DCDC1: variants seen among roughly 807,000 people sequenced by gnomAD.
DCDC1 encodes doublecortin domain containing 1, also known as doublecortin domain-containing protein 1.
A neutral mutation model predicts 178.3 loss-of-function variants in DCDC1; 200 were observed. The observed-to-expected ratio is 1.12, with a 90% CI of 1.00 to 1.26. The LOEUF (loss-of-function observed/expected upper bound fraction) is 1.26, where lower values mean the gene tolerates loss of function less well. Ranked by LOEUF, DCDC1 falls within the 50% of genes most tolerant of loss-of-function variation. DCDC1 has a pLI of 0.00. For missense variants in DCDC1, 1,983 were observed against 1,749.2 expected, an observed-to-expected ratio of 1.13 and a Z score of -2.38; for synonymous variants, 690 against 604.8, an observed-to-expected ratio of 1.14 and a Z score of -2.07.
At chr11:31,139,974 T>A (rs776056162) in intron 9 of DCDC1, among the ~76,000 whole-genome samples, 31 of 152,284 alleles carry the variant, frequency 2.0e-4, no homozygotes, top group South Asian at 4.1e-4. Context: ...TTCCAAAAGA[T>A]ACATTTTAAT....
intron 33 of DCDC1, among the ~76,000 whole-genome samples, chr11:30,899,886 C>G (rs988405569): frequency 6.6e-6 from 1 of 152,038 alleles, no homozygotes; most frequent in African/African-American, 2.4e-5. Flanking sequence ...TATGCAATAG[C>G]CATATTTCAT....
chr11:30,926,527 G>A (rs1590389953), intron 22 of DCDC1, among the ~76,000 whole-genome samples: 1 of 152,210 alleles, frequency 6.6e-6, no homozygotes, highest in East Asian at 1.9e-4. Flanking sequence ...AGATGGAATT[G>A]TGAGGAAAAA....
chr11:31,312,644 A>C (rs1162457797), intron 3 of DCDC1: 1 of 152,176 alleles, frequency 6.6e-6, no homozygotes, highest in Non-Finnish European at 1.5e-5. Flanking sequence ...TTCAGCTAGG[A>C]CATTAATCTT....
At chr11:30,948,193 A>T (rs375772164) in intron 21 of DCDC1, among the ~76,000 whole-genome samples, 60 of 152,302 alleles carry the variant, frequency 3.9e-4, no homozygotes, top group African/African-American at 1.4e-3. Flanking sequence ...AATGACAAGC[A>T]TTCCTATACA....
At chr11:31,298,553 A>G (rs1425647357) in intron 6 of DCDC1, among the ~76,000 whole-genome samples, 1 of 152,144 alleles carries the variant, frequency 6.6e-6, no homozygotes, top group African/African-American at 2.4e-5. Context: ...CTCCCAAAGC[A>G]CTCAGAGAAA....
chr11:31,287,838 T>TA (rs1204306521), intron 7 of DCDC1, among the ~76,000 whole-genome samples: 1 of 150,326 alleles, frequency 6.7e-6, no homozygotes, highest in African/African-American at 2.4e-5. Flanking sequence ...CCCAGGTTGA[T>TA]AGTGAAGAGA....
At chr11:31,307,604 A>T in intron 4 of DCDC1, 35 bp downstream of exon 4, 2 of 1,606,364 alleles carry the variant, frequency 1.2e-6, no homozygotes, top group South Asian at 1.1e-5. Context: ...AACTTCAACA[A>T]TAGGTTAAAA....
intron 38 of DCDC1, among the ~76,000 whole-genome samples, chr11:30,869,218 A>G (rs568546145): frequency 6.6e-6 from 1 of 152,328 alleles, no homozygotes; most frequent in South Asian, 2.1e-4. Context: ...CTTTTGGTAA[A>G]GGGAATTTAG....
At chr11:30,888,098 AAAAGAAAGAAAGAAAGAAAGAAAG>A (rs59770180) in intron 36 of DCDC1, among the ~76,000 whole-genome samples, 6 of 105,502 alleles carry the variant, frequency 5.7e-5, no homozygotes, top group South Asian at 3.4e-4. Context: ...GAAAGAAAGA[AAAAGAAAGAAAGAAAGAAAGAAAG>A]AAAGAAAGAA....
chr11:31,196,263 G>A (rs1366919291), intron 9 of DCDC1, among the ~76,000 whole-genome samples: 1 of 151,848 alleles, frequency 6.6e-6, no homozygotes, highest in African/African-American at 2.4e-5. Flanking sequence ...AGCAAACGTG[G>A]TGGTTTTCCC....
chr11:30,983,941 A>C (rs1044004157), intron 20 of DCDC1, among the ~76,000 whole-genome samples: 1 of 152,166 alleles, frequency 6.6e-6, no homozygotes, highest in Admixed American at 6.5e-5. Flanking sequence ...AAGCTAAGGG[A>C]ATTTCAACAT....
Position 30,911,417 on chromosome 11 carries a change from G to C in DCDC1, c.3657C>G (p.Thr1219=). ...GGTCAGGGTTACTCACAAGGTGAAA[G>C]GTCCTTGGGAAAACAGGATTAGCCA... ...QRWIHQEDSR[T]FHLVSNPDLV... is the part of the protein sequence containing the mutation. Residue 1219 remains threonine (T), a synonymous_variant, in exon 28 of 39, where the codon ACC becomes ACG. Transcript: ENST00000684477. 6.3e-7 allele frequency: 1 copy of C among 1,594,384 alleles called. No homozygotes were observed.
chr11:31,333,377 C>T (rs1328682477), intron 2 of DCDC1, among the ~76,000 whole-genome samples: 1 of 152,176 alleles, frequency 6.6e-6, no homozygotes, highest in Non-Finnish European at 1.5e-5. Flanking sequence ...AGCCCATTTA[C>T]ATTTAAGGTT....
intron 9 of DCDC1, among the ~76,000 whole-genome samples, chr11:31,148,769 T>C (rs189977108): frequency 1.7e-4 from 26 of 152,252 alleles, no homozygotes; most frequent in Admixed American, 1.5e-3. Flanking sequence ...TTCAATAGTT[T>C]TCAAGGTACA....
At chr11:31,107,645 C>T (rs1958939597) in intron 12 of DCDC1, among the ~76,000 whole-genome samples, 1 of 152,114 alleles carries the variant, frequency 6.6e-6, no homozygotes, top group Non-Finnish European at 1.5e-5. Flanking sequence ...TCTAAATTAT[C>T]AAGATATTTC....
chr11:31,253,789 C>T (rs1944231703), intron 8 of DCDC1, among the ~76,000 whole-genome samples: 2 of 152,046 alleles, frequency 1.3e-5, no homozygotes, highest in Non-Finnish European at 2.9e-5. Context: ...TAACTAATAC[C>T]AATTTTAGAA....
At chr11:31,235,339 T>G (rs1976319286) in intron 9 of DCDC1, among the ~76,000 whole-genome samples, 1 of 151,966 alleles carries the variant, frequency 6.6e-6, no homozygotes, top group African/African-American at 2.4e-5. Flanking sequence ...TCAGGGAAAC[T>G]TAAAGTGCCT....
intron 9 of DCDC1, among the ~76,000 whole-genome samples, chr11:31,237,600 C>T (rs1261899067): frequency 6.6e-6 from 1 of 151,850 alleles, no homozygotes; most frequent in East Asian, 1.9e-4. Flanking sequence ...TAATGATTTA[C>T]TACAAATAGC....
chr11:31,344,488 C>T (rs1260821975), intron 1 of DCDC1, among the ~76,000 whole-genome samples: 1 of 152,202 alleles, frequency 6.6e-6, no homozygotes, highest in African/African-American at 2.4e-5. Context: ...CTCCCTGCTG[C>T]CCACTTACAA....
Sources: gnomAD v4.1 joint callset for allele counts (sites outside exome capture counted in the v4.1 genomes callset) on GRCh38, gnomAD v4.1.1 for gene constraint, MANE v1.5 for transcripts, NCBI Gene and HGNC (gene_info 2026-07-23, HGNC 2026-07-21) for gene names.